DCDC2B: variants seen among roughly 807,000 people sequenced by gnomAD.
The protein encoded by DCDC2B is doublecortin domain-containing protein 2B.
DCDC2B carries 41 observed loss-of-function variants against 38.9 expected under a neutral mutation model. The observed-to-expected ratio is 1.05, with a 90% CI of 0.82 to 1.37. The LOEUF is 1.37. Ranked by LOEUF, DCDC2B falls within the 40% of genes most tolerant of loss-of-function variation. The probability of loss-of-function intolerance (pLI) is 0.00; values close to 1 mark genes in which losing one functional copy is unlikely to be tolerated. For synonymous variants in DCDC2B, 181 were observed against 171.9 expected (o/e 1.05, Z -0.41); for missense variants, 453 against 427.2 (o/e 1.06, Z -0.53).
chr1:32,215,594 C>G (rs1569782097), intron 8 of DCDC2B, 51 bp downstream of exon 8: 5 of 1,549,888 alleles, frequency 3.2e-6, no homozygotes, highest in Non-Finnish European at 4.4e-6. Flanking sequence ...GAGCTCTGAG[C>G]TGGAAACTGG....
chr1:32,212,279 A>T, intron 4 of DCDC2B, 78 bp downstream of exon 4: 2 of 1,584,138 alleles, frequency 1.3e-6, no homozygotes, highest in South Asian at 2.3e-5. Context: ...CTGAGGATGA[A>T]GAGGCAAAAG....
chr1:32,211,940 T>A, intron 3 of DCDC2B, 103 bp downstream of exon 3: 2 of 1,538,884 alleles, frequency 1.3e-6, no homozygotes, highest in Non-Finnish European at 1.8e-6. Flanking sequence ...CTGTTGGGAA[T>A]GTAGAAGTCC....
intron 7 of DCDC2B, 162 bp downstream of exon 7, chr1:32,215,094 C>A: frequency 9.9e-7 from 1 of 1,007,372 alleles, no homozygotes; most frequent in Non-Finnish European, 1.4e-6. Context: ...CCTACTGTGG[C>A]TCAGGAGACT....
chr1:32,209,730 T>G (rs1422052086), intron 1 of DCDC2B, among the ~76,000 whole-genome samples: 10 of 152,122 alleles, frequency 6.6e-5, no homozygotes, highest in Non-Finnish European at 1.5e-4. Flanking sequence ...CCACTGTGCA[T>G]AGGCATCCCA....
chr1:32,210,623 C>G (rs184271727), intron 1 of DCDC2B, among the ~76,000 whole-genome samples: 1 of 152,032 alleles, frequency 6.6e-6, no homozygotes, highest in East Asian at 1.9e-4. Flanking sequence ...GAATCTCATA[C>G]AAAATGGAGA....
Position 32,209,246 on chromosome 1 carries a change from G to A in DCDC2B, c.153G>A (p.Leu51=), listed in dbSNP as rs375238305. Residue 51 remains leucine (L), a synonymous_variant, in exon 1 of 9, where the codon CTG becomes CTA. Coordinates refer to ENST00000409358, the MANE Select transcript of DCDC2B (RefSeq NM_001099434.2). The part of the protein sequence containing the change: ...CEVTSAVQAP[L]AVRALYTPCH... ...TGACATCAGCTGTGCAGGCCCCACT[G>A]GCTGTGCGTGCCCTCTACACACCTT... The A allele has an allele frequency of 1.2e-6, 2 of 1,613,886 alleles. No individual in the cohort carries two copies. Among genetic ancestry groups the A allele is most frequent in the African/African-American group, 2.7e-5 (2 of 74,918 alleles).
Position 32,214,904 on chromosome 1 carries a change from C to G in DCDC2B, c.822C>G (p.Ser274Arg). 1 of 1,614,008 alleles carries G rather than the reference C, an allele frequency of 6.2e-7. No homozygotes were observed. Among genetic ancestry groups the G allele is most frequent in the South Asian group, 1.1e-5 (1 of 91,080 alleles). The change falls in exon 7 of 9, where the codon AGC becomes AGG. Residue 274 changes from serine to arginine, a missense_variant. Ser to Arg is a moderately radical substitution (Grantham distance 110). Transcript: ENST00000409358. ...ARPQQTIQPR[S>R]KLPTLSFPSG... Reference sequence around the variant, plus strand: ...CCCAGCAGACCATTCAGCCAAGAAGCAAGCTCCCCACACTCTCATTCCCAT... The same window carrying G: ...CCCAGCAGACCATTCAGCCAAGAAGGAAGCTCCCCACACTCTCATTCCCAT...
At chr1:32,212,007 A>ACCC in intron 3 of DCDC2B, 63 bp from the exon 4 acceptor site, 1 of 1,580,844 alleles carries the variant, frequency 6.3e-7, no homozygotes, top group Non-Finnish European at 8.6e-7. Context: ...GCCCTGTGCC[A>ACCC]CCCTTCCCCT....
rs1386788367 is a variant in DCDC2B at position 32,212,478 on chromosome 1, T to G, written c.528-12T>G. 6.2e-7 allele frequency: 1 copy of G among 1,612,962 alleles called. No individual in the cohort carries two copies. Among genetic ancestry groups the G allele is most frequent in the South Asian group, 1.1e-5 (1 of 91,060 alleles). On this transcript the variant is annotated splice_polypyrimidine_tract_variant and intron_variant, in intron 4 of 8. Transcript: ENST00000409358. ...TCTACCAGCCCTTATCCTCCTCACC[T>G]CTCTCTCCCAGACTCTGCACCCTAG...
At chr1:32,210,240 T>G (rs1234340960) in intron 1 of DCDC2B, among the ~76,000 whole-genome samples, 2 of 149,866 alleles carry the variant, frequency 1.3e-5, no homozygotes, top group African/African-American at 4.9e-5. Flanking sequence ...GGCAGGAGAA[T>G]CGCTTGAACC....
chr1:32,213,964 C>T lies in DCDC2B; in HGVS notation c.715-833C>T, dbSNP rs114111308. On this transcript the variant is annotated intron_variant, in intron 6 of 8. Coordinates refer to ENST00000409358, the MANE Select transcript of DCDC2B (RefSeq NM_001099434.2). ...ACCTCGCCTGGCCACTCTTAATAAT[C>T]TTGTGAAAGAAAGATTATCCCCATT... 8.1e-3 allele frequency among the ~76,000 whole-genome samples: 1,215 copies of T among 150,572 alleles called. 27 individuals are homozygous for T. Among genetic ancestry groups the T allele is most frequent in the African/African-American group, 0.028 (1,163 of 41,148 alleles).
chr1:32,214,986 A>T, intron 7 of DCDC2B, 54 bp downstream of exon 7: 1 of 1,605,322 alleles, frequency 6.2e-7, no homozygotes, highest in Non-Finnish European at 8.5e-7. Context: ...ACAGTGACAT[A>T]GGTTGGTCCC....
chr1:32,214,149 A>C (rs1643699168), intron 6 of DCDC2B, among the ~76,000 whole-genome samples: 1 of 151,686 alleles, frequency 6.6e-6, no homozygotes, highest in South Asian at 2.1e-4. Flanking sequence ...ATCTCTACTA[A>C]AAGTACAAAA....
rs530683058 is a variant in DCDC2B, at chr1:32,216,125, T to C, written c.*228T>C. ...GGGGCTATTTCCTTATGGGATTCTC[T>C]GGCCAGAGAAAGGAGTAGCTGACTA... On this transcript the variant is annotated 3_prime_UTR_variant, in exon 9 of 9. Coordinates refer to ENST00000409358, the MANE Select transcript of DCDC2B (RefSeq NM_001099434.2). 2 of 674,326 alleles carry C rather than the reference T, an allele frequency of 3.0e-6. No homozygotes were observed. The highest frequency in any genetic ancestry group is 1.9e-5 in the South Asian group (1 of 51,616). The allele number at this position is 674,326 out of a possible 1,614,324, so 41.8% of individuals were successfully genotyped here. A position where few individuals can be genotyped will look rare whatever the true frequency, so the allele number is the denominator to read the frequency against.
rs1451170143 is a variant in DCDC2B at position 32,212,845 on chromosome 1, G to A, written c.714+52G>A. On this transcript the variant is annotated intron_variant, in intron 6 of 8. Coordinates refer to ENST00000409358, the MANE Select transcript of DCDC2B (RefSeq NM_001099434.2). ...GTGGGAAGAAGGGGAGTGACTGGCTGACAACTCTTCTGGCACAGGCTCTGA... is the reference window on the plus strand; with the variant it reads ...GTGGGAAGAAGGGGAGTGACTGGCTAACAACTCTTCTGGCACAGGCTCTGA... 3 of 1,593,762 alleles carry A rather than the reference G, an allele frequency of 1.9e-6. No individual in the cohort carries two copies. In the African/African-American group the frequency reaches 4.0e-5, roughly 21 times the overall value.
chr1:32,210,799 C>T (rs765990181), intron 1 of DCDC2B, among the ~76,000 whole-genome samples: 7 of 152,064 alleles, frequency 4.6e-5, no homozygotes, highest in Non-Finnish European at 1.0e-4. Context: ...ACTGCAGCCT[C>T]GAACTCCTGA....
chr1:32,211,064 C>CTCA (rs1352329829), intron 1 of DCDC2B, among the ~76,000 whole-genome samples: 1 of 152,188 alleles, frequency 6.6e-6, no homozygotes, highest in African/African-American at 2.4e-5. Context: ...TCCAGACTTA[C>CTCA]TCAGCACTTA....
Position 32,214,876 on chromosome 1 carries a change from G to A in DCDC2B, c.794G>A (p.Arg265Lys). Residue 265 changes from arginine (R) to lysine (K), a missense_variant, in exon 7 of 9, where the codon AGA becomes AAA. Arg to Lys is a conservative substitution (Grantham distance 26, BLOSUM62 2). Transcript: ENST00000409358. ...DRIKPSAFYA[R>K]PQQTIQPRSK... ...ATTAAGCCATCTGCTTTCTATGCCA[G>A]ACCCCAGCAGACCATTCAGCCAAGA... 6.2e-7 allele frequency: 1 copy of A among 1,613,970 alleles called. No individual in the cohort carries two copies. Among genetic ancestry groups the A allele is most frequent in the Non-Finnish European group, 8.5e-7 (1 of 1,179,890 alleles).
chr1:32,211,682 T>C, intron 2 of DCDC2B, 79 bp from the exon 3 acceptor site: 1 of 1,466,808 alleles, frequency 6.8e-7, no homozygotes, highest in Non-Finnish European at 9.3e-7. Flanking sequence ...TCCGGCCCCC[T>C]CACTCCACAC....
Sources: allele counts gnomAD v4.1 joint callset (sites outside exome capture counted in the v4.1 genomes callset), GRCh38; gene constraint gnomAD v4.1.1; transcripts MANE v1.5; gene names NCBI Gene and HGNC (gene_info 2026-07-23, HGNC 2026-07-21).